The following MUSK variants were observed in gnomAD, a reference collection of about 807,000 sequenced individuals.
MUSK encodes the protein muscle, skeletal receptor tyrosine-protein kinase.
A neutral mutation model predicts 88.7 loss-of-function variants in MUSK; 55 were observed. The observed-to-expected ratio is 0.62, with a 90% CI of 0.50 to 0.78. The LOEUF (loss-of-function observed/expected upper bound fraction) is 0.78, where lower values mean the gene tolerates loss of function less well. Among genes scored for constraint, MUSK ranks in the 30% least tolerant of loss-of-function variants. The pLI is 0.00. For missense variants in MUSK, 1,015 were observed against 1,074.3 expected, an observed-to-expected ratio of 0.94 and a Z score of 0.77; for synonymous variants, 387 against 391.9, an observed-to-expected ratio of 0.99 and a Z score of 0.15.
At chr9:110,786,952 AAAC>A (rs1181858656) in intron 13 of MUSK, among the ~76,000 whole-genome samples, 4 of 152,220 alleles carry the variant, frequency 2.6e-5, no homozygotes, top group Non-Finnish European at 4.4e-5. Context: ...AATCTCACAC[AAAC>A]ATGTCTTGGA....
At chr9:110,680,263 A>G (rs1459555705) in intron 1 of MUSK, among the ~76,000 whole-genome samples, 3 of 152,148 alleles carry the variant, frequency 2.0e-5, no homozygotes, top group African/African-American at 7.2e-5. Context: ...GGTTACCCAA[A>G]ATTGGCATTC....
chr9:110,791,304 G>T (rs887874524), intron 14 of MUSK, among the ~76,000 whole-genome samples: 1 of 138,498 alleles, frequency 7.2e-6, no homozygotes, highest in Non-Finnish European at 1.6e-5. Context: ...CCTGGGAAGC[G>T]CAAGGGGTCA....
At chr9:110,717,340 A>G (rs1187403113) in intron 5 of MUSK, among the ~76,000 whole-genome samples, 1 of 149,852 alleles carries the variant, frequency 6.7e-6, no homozygotes, top group Non-Finnish European at 1.5e-5. Context: ...ATATGATGCT[A>G]TAATTCTAAC....
intron 7 of MUSK, chr9:110,761,816 C>T (rs1451196133): frequency 1.4e-5 from 6 of 432,400 alleles, no homozygotes; most frequent in South Asian, 2.0e-4. Context: ...CCTCATGATC[C>T]GCCCACCTCG....
intron 3 of MUSK, among the ~76,000 whole-genome samples, chr9:110,690,883 TA>T (rs1448838572): frequency 7.1e-6 from 1 of 141,564 alleles, no homozygotes; most frequent in Non-Finnish European, 1.5e-5. Flanking sequence ...AATATATATA[TA>T]TTTTTTGAGA....
chr9:110,787,661 G>A, intron 13 of MUSK, 29 bp from the exon 14 acceptor site: 1 of 1,607,688 alleles, frequency 6.2e-7, no homozygotes, highest in Non-Finnish European at 8.5e-7. Flanking sequence ...ATGATCTTTG[G>A]TTTCTTTTTC....
At chr9:110,744,954 A>G (rs2043929848) in intron 6 of MUSK, among the ~76,000 whole-genome samples, 2 of 152,234 alleles carry the variant, frequency 1.3e-5, no homozygotes, top group South Asian at 4.1e-4. Context: ...AATGGAGGGC[A>G]GAGGGATTTG....
chr9:110,669,512 C>T (rs769119696), intron 1 of MUSK, among the ~76,000 whole-genome samples: 3 of 152,200 alleles, frequency 2.0e-5, no homozygotes, highest in East Asian at 1.9e-4. Context: ...GTAACAAACC[C>T]GGAAGACAAT....
At position 110,716,917 on chromosome 9, in the gene MUSK, G is replaced by A. The variant is rs903646640; in HGVS notation, c.629-17334G>A. Among the ~76,000 whole-genome samples, 5 of 149,452 alleles carry A rather than the reference G, an allele frequency of 3.3e-5. 1 individual carries two copies. The highest frequency in any genetic ancestry group is 1.3e-4 in the African/African-American group (5 of 39,350). Reference sequence around the variant, plus strand: ...TTATAATACCTTTTAGCATAATTCTGTATTGTTTGATATTAATATCATTAC... The same window carrying A: ...TTATAATACCTTTTAGCATAATTCTATATTGTTTGATATTAATATCATTAC... On this transcript the variant is annotated intron_variant, in intron 5 of 14. Coordinates refer to ENST00000374448, the MANE Select transcript of MUSK (RefSeq NM_005592.4).
At chr9:110,722,805 T>C in intron 5 of MUSK, among the ~76,000 whole-genome samples, 1 of 152,010 alleles carries the variant, frequency 6.6e-6, no homozygotes, top group African/African-American at 2.4e-5. Flanking sequence ...CATCACTAAT[T>C]ATCAGGGAAA....
Position 110,801,168 on chromosome 9 carries a change from C to A in MUSK, c.*180C>A. ...GCAAAACCCATGTGGTAGACGGACC[C>A]ATTGAAAGCCAGTGATTGGAAACAC... On this transcript the variant is annotated 3_prime_UTR_variant, in exon 15 of 15. Transcript: ENST00000374448. The A allele has an allele frequency of 2.1e-6, 1 of 476,810 alleles. No individual in the cohort carries two copies. The allele number at this position is 476,810 out of a possible 1,614,324, so 29.5% of individuals were successfully genotyped here.
intron 14 of MUSK, among the ~76,000 whole-genome samples, chr9:110,791,157 C>T (rs999753172): frequency 3.3e-5 from 5 of 151,604 alleles, no homozygotes; most frequent in African/African-American, 9.7e-5. Flanking sequence ...CCAGCGTGAG[C>T]GACGCAGAAG....
At chr9:110,669,447 A>C (rs1247414375) in intron 1 of MUSK, among the ~76,000 whole-genome samples, 1 of 152,216 alleles carries the variant, frequency 6.6e-6, no homozygotes, top group Non-Finnish European at 1.5e-5. Context: ...ACTCTTAATA[A>C]ATATTTTAGT....
chr9:110,757,179 G>T (rs1249940891), intron 7 of MUSK, among the ~76,000 whole-genome samples: 2 of 151,946 alleles, frequency 1.3e-5, no homozygotes, highest in Non-Finnish European at 2.9e-5. Context: ...TGAAATATTG[G>T]CTGGATACAG....
intron 3 of MUSK, among the ~76,000 whole-genome samples, chr9:110,689,542 G>GTTATATATATTTATATATTATATATAT (rs1554735120): frequency 9.9e-6 from 1 of 101,106 alleles, no homozygotes; most frequent in East Asian, 2.7e-4. Flanking sequence ...TAAATATATA[G>GTTATATATATTTATATATTATATATAT]TTATATATAT....
At position 110,804,184 on chromosome 9, in the gene MUSK, C is replaced by T. The variant is rs1424886366; in HGVS notation, c.*3196C>T. 1.3e-5 allele frequency among the ~76,000 whole-genome samples: 2 copies of T among 151,912 alleles called. No homozygotes were observed. The highest frequency in any genetic ancestry group is 3.8e-4 in the East Asian group (2 of 5,198). On this transcript the variant is annotated 3_prime_UTR_variant, in exon 15 of 15. Transcript: ENST00000374448. ...AGCTAATCAATCTTGTATTTTTGAA[C>T]ATTTAGGTTTTTTCCAATTTTTATC...
At chr9:110,780,627 T>C (rs766106882) in intron 11 of MUSK, among the ~76,000 whole-genome samples, 28 of 152,238 alleles carry the variant, frequency 1.8e-4, no homozygotes, top group South Asian at 6.2e-4. Flanking sequence ...TAACTGGGTA[T>C]GGAACTCCTG....
At chr9:110,743,151 A>G (rs956302276) in intron 6 of MUSK, among the ~76,000 whole-genome samples, 2 of 152,196 alleles carry the variant, frequency 1.3e-5, no homozygotes, top group Non-Finnish European at 2.9e-5. Flanking sequence ...GCTCAGTACA[A>G]TGGGTACTCT....
In MUSK at chr9:110,701,912, T is replaced by C. The variant is rs533300716; in HGVS notation, c.628+4446T>C. Among the ~76,000 whole-genome samples, 206 of 132,586 alleles carry C rather than the reference T, an allele frequency of 1.6e-3. 1 individual carries two copies. The highest frequency in any genetic ancestry group is 7.0e-3 in the Middle Eastern group (2 of 284). 87.0% of individuals were successfully genotyped at this position (132,586 alleles called of 152,430 possible). ...TTATTTTATTTTATTTTATTTTATTTTATTTTATTTTATTTCATAGAGACA... is the reference window on the plus strand; with the variant it reads ...TTATTTTATTTTATTTTATTTTATTCTATTTTATTTTATTTCATAGAGACA... On this transcript the variant is annotated intron_variant, in intron 5 of 14. Transcript: ENST00000374448.
Sources: gnomAD v4.1 joint callset for allele counts (sites outside exome capture counted in the v4.1 genomes callset) on GRCh38, gnomAD v4.1.1 for gene constraint, MANE v1.5 for transcripts, NCBI Gene and HGNC (gene_info 2026-07-23, HGNC 2026-07-21) for gene names.